The following TENM2 variants were observed in gnomAD, a reference collection of about 807,000 sequenced individuals.
TENM2 encodes teneurin transmembrane protein 2.
A neutral mutation model predicts 245.2 loss-of-function variants in TENM2; 52 were observed. The ratio of observed to expected loss-of-function variants is 0.21; its 90% CI spans 0.17 to 0.27. The LOEUF is 0.27. Ranked by LOEUF, TENM2 falls within the 10% of genes least tolerant of loss-of-function variation. TENM2 has a pLI of 1.00. For missense variants in TENM2, 3,046 were observed against 3,666.8 expected (o/e 0.83, Z 4.37); for synonymous variants, 1,363 against 1,438.9 (o/e 0.95, Z 1.19).
rs1325531541 is a variant in TENM2 at position 168,244,596 on chromosome 5, G to A, written c.5697G>A (p.Gly1899=). The change falls in exon 26 of 29, where the codon GGG becomes GGA. Residue 1899 remains glycine (G), a synonymous_variant. Transcript: ENST00000518659. The surrounding 1 kb of genome is among the most constrained non-coding windows in gnomAD (Gnocchi z 4.9). Reference sequence around the variant, plus strand: ...TCAACGTGTCATACTTCTTCAATGGGCGCCTGGCTGGGCTTCAGCGTGGGG... The same window carrying A: ...TCAACGTGTCATACTTCTTCAATGGACGCCTGGCTGGGCTTCAGCGTGGGG... 3.7e-6 allele frequency: 6 copies of A among 1,606,734 alleles called. No individual in the cohort carries two copies. The Admixed American group carries it at 1.0e-4, about 27-fold the overall frequency.
At chr5:167,637,328 G>A (rs988991863) in intron 2 of TENM2, among the ~76,000 whole-genome samples, 2 of 152,190 alleles carry the variant, frequency 1.3e-5, no homozygotes, top group Non-Finnish European at 2.9e-5. Flanking sequence ...GTCCTTGAAG[G>A]TTGGGTAGGA....
At chr5:167,261,527 T>A in the TENM2 span, among the ~76,000 whole-genome samples, 1 of 152,130 alleles carries the variant, frequency 6.6e-6, no homozygotes, top group African/African-American at 2.4e-5. Context: ...TTCTTCATCA[T>A]TATCATCACC....
At chr5:167,007,640 C>T in the TENM2 span, among the ~76,000 whole-genome samples, 15 of 152,296 alleles carry the variant, frequency 9.8e-5, no homozygotes, top group Admixed American at 2.0e-4. This position sits in a 1 kb window ranked among gnomAD's most constrained non-coding sequence, Gnocchi z 4.2. Flanking sequence ...CCCCTAGCCT[C>T]CCACAAAAAT....
chr5:167,071,877 C>CGGGGGGGGGGGGGGG, the TENM2 span, among the ~76,000 whole-genome samples: 1 of 113,212 alleles, frequency 8.8e-6, no homozygotes. Flanking sequence ...TTTGACAAAT[C>CGGGGGGGGGGGGGGG]GCCCCCCCCC....
chr5:167,532,193 T>C (rs1016827914), intron 2 of TENM2, among the ~76,000 whole-genome samples: 8 of 152,122 alleles, frequency 5.3e-5, no homozygotes, highest in Non-Finnish European at 4.4e-5. Flanking sequence ...TTGTTCTTTG[T>C]CTCATTAAGA....
chr5:168,242,430 A>C (rs746233226), intron 25 of TENM2, among the ~76,000 whole-genome samples: 14 of 152,194 alleles, frequency 9.2e-5, no homozygotes, highest in Non-Finnish European at 1.9e-4. Flanking sequence ...GGAAGCAGTA[A>C]AGCTGGTGAA....
At chr5:167,399,710 G>A (rs542723491) in intron 2 of TENM2, among the ~76,000 whole-genome samples, 2 of 152,248 alleles carry the variant, frequency 1.3e-5, no homozygotes, top group East Asian at 3.9e-4. Context: ...GAAGAACCAA[G>A]TCATGACTTT....
At chr5:167,820,866 A>AGGGACC (rs1348193003) in intron 2 of TENM2, among the ~76,000 whole-genome samples, 3 of 152,156 alleles carry the variant, frequency 2.0e-5, no homozygotes, top group African/African-American at 7.2e-5. Context: ...GGAGAGGGAG[A>AGGGACC]GGGACCACAA....
chr5:167,781,766 C>A (rs983175476), intron 2 of TENM2, among the ~76,000 whole-genome samples: 1 of 152,116 alleles, frequency 6.6e-6, no homozygotes, highest in African/African-American at 2.4e-5. Flanking sequence ...TGGCTCACAC[C>A]TATAATCCCA....
chr5:167,429,587 C>A (rs1422434393), intron 2 of TENM2, among the ~76,000 whole-genome samples: 1 of 140,158 alleles, frequency 7.1e-6, no homozygotes, highest in Admixed American at 7.3e-5. Context: ...CAGGGAAATT[C>A]TCTTTCTCTC....
intron 3 of TENM2, among the ~76,000 whole-genome samples, chr5:167,941,904 C>G (rs1046797480): frequency 6.6e-5 from 10 of 150,490 alleles, no homozygotes; most frequent in African/African-American, 2.4e-4. Context: ...TGTCACCCCT[C>G]TCTCCAACAT....
intron 3 of TENM2, among the ~76,000 whole-genome samples, chr5:167,891,248 T>C (rs556525386): frequency 6.6e-6 from 1 of 152,294 alleles, no homozygotes; most frequent in African/African-American, 2.4e-5. Flanking sequence ...ACAAATTTTG[T>C]GGTTCCTTTG....
chr5:167,966,380 C>A (rs1781388249), intron 4 of TENM2, among the ~76,000 whole-genome samples: 1 of 152,118 alleles, frequency 6.6e-6, no homozygotes, highest in African/African-American at 2.4e-5. Context: ...TTGGGGCATC[C>A]CTTGAATATC....
At chr5:168,042,618 C>T (rs1057412778) in intron 5 of TENM2, among the ~76,000 whole-genome samples, 2 of 152,146 alleles carry the variant, frequency 1.3e-5, no homozygotes, top group African/African-American at 4.8e-5. Flanking sequence ...GCAACGAACC[C>T]TGCTCCCTTT....
chr5:168,213,811 C>A (rs1762971896), intron 20 of TENM2, among the ~76,000 whole-genome samples: 1 of 152,110 alleles, frequency 6.6e-6, no homozygotes. Flanking sequence ...TCCAATGAGA[C>A]CCTGTCTCTG....
chr5:167,795,707 A>T (rs1332940193), intron 2 of TENM2, among the ~76,000 whole-genome samples: 1 of 152,186 alleles, frequency 6.6e-6, no homozygotes, highest in Non-Finnish European at 1.5e-5. Flanking sequence ...TGATGTGAAC[A>T]ATATTGTTAA....
chr5:168,211,140 G>A (rs574042255), intron 19 of TENM2, among the ~76,000 whole-genome samples: 2 of 152,334 alleles, frequency 1.3e-5, no homozygotes, highest in Non-Finnish European at 2.9e-5. Flanking sequence ...CATGGAGCAG[G>A]GAAAGGAAGT....
the TENM2 span, among the ~76,000 whole-genome samples, chr5:167,278,295 C>A: frequency 6.6e-6 from 1 of 152,018 alleles, no homozygotes; most frequent in South Asian, 2.1e-4. Context: ...CAGAATGAGA[C>A]CTTGTCAAAA....
At chr5:167,415,011 T>C (rs187672086) in intron 2 of TENM2, among the ~76,000 whole-genome samples, 1 of 152,252 alleles carries the variant, frequency 6.6e-6, no homozygotes, top group East Asian at 1.9e-4. Flanking sequence ...TTCAAGACTT[T>C]GGTGAGAAAA....
Sources: gnomAD v4.1 joint callset for allele counts (sites outside exome capture counted in the v4.1 genomes callset) on GRCh38, gnomAD v4.1.1 for gene constraint, Gnocchi (gnomAD v3.1) non-coding constraint, MANE v1.5 for transcripts, NCBI Gene and HGNC (gene_info 2026-07-23, HGNC 2026-07-21) for gene names.